KPRP: variants seen among roughly 807,000 people sequenced by gnomAD.
KPRP encodes keratinocyte proline rich protein.
For synonymous variants in KPRP, 282 were observed against 276.9 expected (o/e 1.02, Z -0.18); for missense variants, 820 against 746.4 (o/e 1.10, Z -1.15).
chr1:152,761,512 T>A, exon 1 of KPRP: 2 of 1,173,880 alleles, frequency 1.7e-6, no homozygotes, highest in Non-Finnish European at 2.3e-6. Context: ...CAGATGCCTC[T>A]CCAGCCTCAC....
At chr1:152,759,697 G>A in exon 1 of KPRP, 1 of 1,614,162 alleles carries the variant, frequency 6.2e-7, no homozygotes, top group Non-Finnish European at 8.5e-7. Context: ...CCAAGTGGTG[G>A]TTCAAGCCCC....
chr1:152,759,558 C>T, upstream of KPRP: 1 of 1,597,556 alleles, frequency 6.3e-7, no homozygotes. Flanking sequence ...TCTTTGCCCT[C>T]AGGTCACTCT....
rs751856591 is a variant in KPRP at position 152,760,826 on chromosome 1, G to A, written c.1238G>A (p.Cys413Tyr). ...CGTCCACGTCTGCGCCCAGAACCAT[G>A]CATAAGTCTAGAACCACGCCCGCGT... The change falls in exon 1 of 1, where the codon TGC becomes TAC. Residue 413 changes from cysteine (C) to tyrosine (Y), a missense_variant. By Grantham distance (194) the Cys-to-Tyr change is radical (BLOSUM62 -2). Transcript: ENST00000606109. 1.1e-5 allele frequency: 17 copies of A among 1,614,002 alleles called. No homozygotes were observed. The South Asian group carries it at 1.4e-4, about 14-fold the overall frequency.
Position 152,761,175 on chromosome 1 carries a change from C to A in KPRP, c.1587C>A (p.Tyr529Ter). The A allele has an allele frequency of 1.9e-6, 3 of 1,614,216 alleles. No homozygotes were observed. In the African/African-American group the frequency reaches 4.0e-5, roughly 22 times the overall value. Reference sequence around the variant, plus strand: ...ACCGCCTAGACACCGAAGCTCCCTACTGTGGCCCATCCAGTTACAACCAGG... The same window carrying A: ...ACCGCCTAGACACCGAAGCTCCCTAATGTGGCCCATCCAGTTACAACCAGG... The change falls in exon 1 of 1, where the codon TAC becomes TAA. Residue 529 changes from tyrosine to a stop codon, truncating the protein, a stop_gained. Transcript: ENST00000606109. LOFTEE classifies it low-confidence loss of function (END_TRUNC).
At chr1:152,761,003 C>A in exon 1 of KPRP, 1 of 1,612,512 alleles carries the variant, frequency 6.2e-7, no homozygotes, top group Non-Finnish European at 8.5e-7. Flanking sequence ...CACCCAGAGC[C>A]TTGTCCACGA....
rs749223410 is a variant in KPRP at position 152,759,829 on chromosome 1, G to T, written c.241G>T (p.Val81Leu). The T allele has an allele frequency of 5.0e-6, 8 of 1,614,036 alleles. No homozygotes were observed. In the Admixed American group the frequency reaches 5.0e-5, roughly 10 times the overall value. Residue 81 changes from valine to leucine, a missense_variant, in exon 1 of 1, where the codon GTG becomes TTG. Val to Leu is a conservative substitution (Grantham distance 32). Transcript: ENST00000606109. Reference sequence around the variant, plus strand: ...GAAGTGCCAGTCTAAGACCAAGCAGGTGAAGGGCCAGGCTCAATGTCAGTC... The same window carrying T: ...GAAGTGCCAGTCTAAGACCAAGCAGTTGAAGGGCCAGGCTCAATGTCAGTC...
In KPRP at chr1:152,761,273, A is replaced by AC; in HGVS notation, c.1687dup (p.Gln563ProfsTer22). 6.2e-7 allele frequency: 1 copy of AC among 1,614,140 alleles called. No homozygotes were observed. Among genetic ancestry groups the AC allele is most frequent in the East Asian group, 2.2e-5 (1 of 44,880 alleles). On this transcript the variant is annotated frameshift_variant, in exon 1 of 1. Transcript: ENST00000606109. LOFTEE classifies it low-confidence loss of function (END_TRUNC). Reference sequence around the variant, plus strand: ...CGGAGGGGTCAGGATGGCCATGGAGACCAAGGCAATGCCTTTGCTGGAGTG... The same window carrying AC: ...CGGAGGGGTCAGGATGGCCATGGAGACCCAAGGCAATGCCTTTGCTGGAGTG...
At chr1:152,761,012 G>A (rs186628909) in exon 1 of KPRP, 2 of 1,612,414 alleles carry the variant, frequency 1.2e-6, no homozygotes, top group African/African-American at 1.3e-5. Context: ...CCTTGTCCAC[G>A]ACCAGAGCCA....
At chr1:152,760,330 C>T (rs973386436) in exon 1 of KPRP, 5 of 1,614,172 alleles carry the variant, frequency 3.1e-6, no homozygotes, top group Non-Finnish European at 2.5e-6. Flanking sequence ...TGAACAGCAC[C>T]GCTCTCGGAG....
exon 1 of KPRP, chr1:152,759,698 T>G (rs944683): frequency 2.3e-5 from 37 of 1,613,846 alleles, no homozygotes; most frequent in Admixed American, 1.2e-4. Context: ...CAAGTGGTGG[T>G]TCAAGCCCCT....
chr1:152,761,423 A>G, exon 1 of KPRP: 4 of 1,480,060 alleles, frequency 2.7e-6, no homozygotes, highest in Non-Finnish European at 3.6e-6. Context: ...AATCTCTCCA[A>G]AGATATTCAG....
At chr1:152,761,107 G>C in exon 1 of KPRP, 1 of 1,614,086 alleles carries the variant, frequency 6.2e-7, no homozygotes, top group Non-Finnish European at 8.5e-7. Flanking sequence ...CCCAAATCCA[G>C]TTCCATACCC....
At chr1:152,760,432 T>C in exon 1 of KPRP, 1 of 1,613,696 alleles carries the variant, frequency 6.2e-7, no homozygotes, top group Non-Finnish European at 8.5e-7. Flanking sequence ...CTCCAGCAGC[T>C]ACCTGCCACT....
chr1:152,759,788 C>G, exon 1 of KPRP: 2 of 1,614,182 alleles, frequency 1.2e-6, no homozygotes, highest in South Asian at 2.2e-5. Context: ...CCATGCCAGT[C>G]TCAGACCACA....
chr1:152,759,418 C>A (rs2101561208), upstream of KPRP: 1 of 1,165,232 alleles, frequency 8.6e-7, no homozygotes. Context: ...CAGATTAATC[C>A]TGGGTCGAAC....
exon 1 of KPRP, chr1:152,761,238 G>A: frequency 3.7e-6 from 6 of 1,614,172 alleles, no homozygotes; most frequent in Non-Finnish European, 5.1e-6. Context: ...CTGGTGATGT[G>A]TTTCCAGAGC....
At position 152,760,251 on chromosome 1, in the gene KPRP, T is replaced by A; in HGVS notation, c.663T>A (p.Tyr221Ter). Residue 221 changes from tyrosine to a stop codon, truncating the protein, a stop_gained, in exon 1 of 1, where the codon TAT (tyrosine) becomes TAA (stop). Transcript: ENST00000606109. LOFTEE classifies it low-confidence loss of function (END_TRUNC). The stretch of plus-strand genomic sequence containing the variant: ...CCTACAGCAGCTGTTTCCCTCAGTA[T>A]CGGTCCCGGACTTCATTTAGTCCCT... The A allele has an allele frequency of 1.2e-6, 2 of 1,614,112 alleles. No homozygotes were observed.
At chr1:152,760,332 C>G in exon 1 of KPRP, 1 of 1,614,226 alleles carries the variant, frequency 6.2e-7, no homozygotes, top group East Asian at 2.2e-5. Flanking sequence ...AACAGCACCG[C>G]TCTCGGAGCA....
chr1:152,759,766 T>A (rs987725696), exon 1 of KPRP: 1 of 1,614,132 alleles, frequency 6.2e-7, no homozygotes, highest in Non-Finnish European at 8.5e-7. Flanking sequence ...TTGCCAGGTG[T>A]CAGACCAGGC....
Sources: gnomAD v4.1 joint callset for allele counts on GRCh38, gnomAD v4.1.1 for gene constraint, MANE v1.5 for transcripts, NCBI Gene and HGNC (gene_info 2026-07-23, HGNC 2026-07-21) for gene names.